The following MAGI1 variants were observed in gnomAD, a reference collection of about 807,000 sequenced individuals.
The protein encoded by MAGI1 is membrane-associated guanylate kinase, WW and PDZ domain-containing protein 1.
Under a neutral mutation model 139.9 loss-of-function variants are expected in MAGI1, and 58 were observed. That is an observed-to-expected ratio of 0.41 (90% confidence interval 0.34 to 0.52). MAGI1 has a LOEUF of 0.52. Ranked by LOEUF, MAGI1 falls within the 20% of genes least tolerant of loss-of-function variation. The pLI is 0.12. For synonymous variants in MAGI1, 812 were observed against 737.9 expected (o/e 1.10, Z -1.63); for missense variants, 1,874 against 1,901.6 (o/e 0.99, Z 0.27).
intron 1 of MAGI1, among the ~76,000 whole-genome samples, chr3:65,746,604 G>C (rs1005982424): frequency 6.6e-6 from 1 of 152,000 alleles, no homozygotes; most frequent in Non-Finnish European, 1.5e-5. Flanking sequence ...TCCTCTTCTT[G>C]GGTATCTATC....
At chr3:65,656,162 G>GA (rs573188687) in intron 1 of MAGI1, among the ~76,000 whole-genome samples, 98 of 146,540 alleles carry the variant, frequency 6.7e-4, no homozygotes, top group Admixed American at 3.4e-3. Context: ...TGTTAAATTT[G>GA]AAAAAAAAAA....
chr3:65,552,873 G>A (rs1023888051), intron 2 of MAGI1, among the ~76,000 whole-genome samples: 1 of 152,160 alleles, frequency 6.6e-6, no homozygotes, highest in African/African-American at 2.4e-5. Flanking sequence ...TGAATTAATA[G>A]GTTTTGTGTA....
chr3:66,024,317 A>T (rs1192374444), intron 1 of MAGI1, among the ~76,000 whole-genome samples: 1 of 34,034 alleles, frequency 2.9e-5, no homozygotes, highest in Non-Finnish European at 5.7e-5. Flanking sequence ...AAGTTCATTA[A>T]AAAAAAAAAA....
At chr3:65,683,257 G>A (rs1223519244) in intron 1 of MAGI1, among the ~76,000 whole-genome samples, 2 of 152,176 alleles carry the variant, frequency 1.3e-5, no homozygotes, top group African/African-American at 4.8e-5. Flanking sequence ...TGTCGTTTAT[G>A]TCATCAAGAG....
intron 1 of MAGI1, among the ~76,000 whole-genome samples, chr3:65,628,213 G>GT: frequency 6.6e-6 from 1 of 152,116 alleles, no homozygotes; most frequent in Middle Eastern, 3.4e-3. Context: ...TGGTGGTCCT[G>GT]TTTTCCCACA....
intron 3 of MAGI1, among the ~76,000 whole-genome samples, chr3:65,483,402 G>A (rs1951413450): frequency 6.6e-6 from 1 of 152,180 alleles, no homozygotes; most frequent in African/African-American, 2.4e-5. Flanking sequence ...TTCCACCTTT[G>A]CAATGGTTTG....
intron 1 of MAGI1, among the ~76,000 whole-genome samples, chr3:66,007,147 T>A (rs1362084802): frequency 6.6e-6 from 1 of 151,974 alleles, no homozygotes; most frequent in Non-Finnish European, 1.5e-5. Context: ...GGCCTGAAGA[T>A]CACATATGTC....
At chr3:65,374,413 G>T (rs1039051768) in intron 18 of MAGI1, among the ~76,000 whole-genome samples, 1 of 149,778 alleles carries the variant, frequency 6.7e-6, no homozygotes, top group African/African-American at 2.5e-5. Flanking sequence ...CGCCTCCCAG[G>T]CTCAAGCGAT....
At chr3:65,582,377 A>G (rs1232426224) in intron 2 of MAGI1, among the ~76,000 whole-genome samples, 1 of 152,192 alleles carries the variant, frequency 6.6e-6, no homozygotes, top group Non-Finnish European at 1.5e-5. Flanking sequence ...TACTCTACCT[A>G]GTCTCCTCAT....
At chr3:65,577,519 G>A (rs1009706638) in intron 2 of MAGI1, among the ~76,000 whole-genome samples, 4 of 152,042 alleles carry the variant, frequency 2.6e-5, no homozygotes, top group African/African-American at 9.7e-5. Context: ...TCAATTCTGT[G>A]CCGGTGGTGA....
intron 2 of MAGI1, among the ~76,000 whole-genome samples, chr3:65,530,757 G>A (rs1466195424): frequency 0.011 from 209 of 19,306 alleles, 13 homozygotes; most frequent in East Asian, 0.064. Context: ...ATATATACAC[G>A]TATATATATA....
intron 1 of MAGI1, among the ~76,000 whole-genome samples, chr3:65,720,907 G>A (rs918134628): frequency 1.3e-5 from 2 of 151,766 alleles, no homozygotes; most frequent in African/African-American, 4.8e-5. Flanking sequence ...ACAACACCAC[G>A]CCTGGCTAAT....
chr3:65,743,356 T>C (rs564841116), intron 1 of MAGI1, among the ~76,000 whole-genome samples: 2 of 152,316 alleles, frequency 1.3e-5, no homozygotes, highest in East Asian at 3.9e-4. Context: ...TTCCACCATC[T>C]TCCTTCTAAA....
chr3:65,692,788 T>A (rs577461808), intron 1 of MAGI1, among the ~76,000 whole-genome samples: 1 of 152,262 alleles, frequency 6.6e-6, no homozygotes, highest in South Asian at 2.1e-4. Context: ...TTTGGCTGTC[T>A]CTTGTGAGCC....
At chr3:65,754,699 T>C (rs1374104069) in intron 1 of MAGI1, among the ~76,000 whole-genome samples, 13 of 152,218 alleles carry the variant, frequency 8.5e-5, no homozygotes, top group Non-Finnish European at 1.5e-4. Context: ...GGTTTTCAAA[T>C]AGTTTATTCT....
At chr3:65,739,219 C>A (rs757756628) in intron 1 of MAGI1, among the ~76,000 whole-genome samples, 2 of 152,180 alleles carry the variant, frequency 1.3e-5, no homozygotes, top group Non-Finnish European at 2.9e-5. Flanking sequence ...ATAAAAACAG[C>A]TTCTTTCCTT....
At chr3:65,536,962 TCA>T (rs1419935182) in intron 2 of MAGI1, among the ~76,000 whole-genome samples, 2 of 152,310 alleles carry the variant, frequency 1.3e-5, no homozygotes, top group East Asian at 3.9e-4. Flanking sequence ...TTGGACGTTT[TCA>T]TTAGGTAAGC....
At chr3:65,856,238 G>A (rs1464995550) in intron 1 of MAGI1, among the ~76,000 whole-genome samples, 1 of 152,062 alleles carries the variant, frequency 6.6e-6, no homozygotes, top group Admixed American at 6.6e-5. Context: ...CCCTCGGGTT[G>A]GGGAGAAGAA....
chr3:66,013,181 A>G (rs1429899281), intron 1 of MAGI1, among the ~76,000 whole-genome samples: 5 of 152,008 alleles, frequency 3.3e-5, no homozygotes, highest in Admixed American at 6.6e-5. Flanking sequence ...AGGCGGGTGG[A>G]TTACCTGAGG....
Sources: allele counts gnomAD v4.1 joint callset (sites outside exome capture counted in the v4.1 genomes callset), GRCh38; gene constraint gnomAD v4.1.1; transcripts MANE v1.5; gene names NCBI Gene and HGNC (gene_info 2026-07-23, HGNC 2026-07-21).